FGF14: variants seen among roughly 807,000 people sequenced by gnomAD.
FGF14 encodes fibroblast growth factor homologous factor 4.
In FGF14, 5 loss-of-function variants were observed where a neutral mutation model predicts 25.5. The observed-to-expected ratio is 0.20, with a 90% CI of 0.10 to 0.41. FGF14 has a LOEUF of 0.41. FGF14 is among the 10% of genes least tolerant of loss of function. FGF14 has a pLI of 1.00. For missense variants in FGF14, 222 were observed against 320.1 expected, an observed-to-expected ratio of 0.69 and a Z score of 2.34; for synonymous variants, 138 against 118.3, an observed-to-expected ratio of 1.17 and a Z score of -1.08.
chr13:102,050,915 G>A (rs757036095), intron 1 of FGF14, among the ~76,000 whole-genome samples: 1 of 152,208 alleles, frequency 6.6e-6, no homozygotes, highest in South Asian at 2.1e-4. Flanking sequence ...AGAGGATACT[G>A]GCATATCTTG....
chr13:102,330,791 T>A (rs76596364), intron 1 of FGF14, among the ~76,000 whole-genome samples: 11,608 of 152,184 alleles, frequency 0.076, 875 homozygotes, highest in African/African-American at 0.19. Context: ...TCCGTTACCA[T>A]GTGACGTTCC....
chr13:101,749,248 C>T (rs1479281300), intron 3 of FGF14, among the ~76,000 whole-genome samples: 7 of 151,792 alleles, frequency 4.6e-5, no homozygotes, highest in East Asian at 3.9e-4. Flanking sequence ...ATAAATATAC[C>T]GAACAGTATT....
chr13:102,052,570 AAGGCAG>A (rs1364770880), intron 1 of FGF14, among the ~76,000 whole-genome samples: 3 of 152,110 alleles, frequency 2.0e-5, no homozygotes, highest in Non-Finnish European at 4.4e-5. Flanking sequence ...GAATTTCAAT[AAGGCAG>A]CAGTGAATTT....
In FGF14 at chr13:101,719,765, C is replaced by T. The variant is rs573744526; in HGVS notation, c.*3066G>A. 1 of 152,006 alleles carries T rather than the reference C, an allele frequency of 6.6e-6. No individual in the cohort carries two copies. The highest frequency in any genetic ancestry group is 6.6e-5 in the Admixed American group (1 of 15,240). 9.4% of individuals were successfully genotyped at this position (152,006 alleles called of 1,614,324 possible). ...GACATATGCACATGGAGGTACAAAA[C>T]ACACAGTCTAAATACAAATGAATTC... is the stretch of plus-strand genomic sequence containing the variant. On this transcript the variant is annotated 3_prime_UTR_variant, in exon 5 of 5. Coordinates refer to ENST00000376143, the MANE Select transcript of FGF14 (RefSeq NM_004115.4).
At chr13:102,163,840 C>T (rs570171605) in intron 1 of FGF14, among the ~76,000 whole-genome samples, 6 of 152,146 alleles carry the variant, frequency 3.9e-5, no homozygotes, top group South Asian at 2.1e-4. Context: ...TTGCCCCCCC[C>T]AGAAAACATT....
At chr13:101,867,177 A>C (rs1186361798) in intron 3 of FGF14, among the ~76,000 whole-genome samples, 1 of 152,188 alleles carries the variant, frequency 6.6e-6, no homozygotes, top group African/African-American at 2.4e-5. Context: ...CTTGGCAGTT[A>C]ACACATTTCT....
rs569633719 is a variant in FGF14 at position 102,061,951 on chromosome 13, C to T, written c.209-186655G>A. On this transcript the variant is annotated intron_variant, in intron 1 of 4. Transcript: ENST00000376131. ...GCCACAACCACTGTCTGACTGCAAA[C>T]TCATGAATACCCAAAGCAAGAAAGG... is the stretch of plus-strand genomic sequence containing the variant. Among the ~76,000 whole-genome samples, 5 of 152,238 alleles carry T rather than the reference C, an allele frequency of 3.3e-5. No homozygotes were observed. In the East Asian group the frequency reaches 9.6e-4, roughly 29 times the overall value.
At chr13:101,778,238 AT>A (rs1328781556) in intron 3 of FGF14, among the ~76,000 whole-genome samples, 1 of 152,034 alleles carries the variant, frequency 6.6e-6, no homozygotes, top group East Asian at 1.9e-4. Context: ...TCTGTTGATC[AT>A]TTTTTTCGAA....
chr13:101,958,260 C>A (rs1448171441), intron 1 of FGF14, among the ~76,000 whole-genome samples: 1 of 152,206 alleles, frequency 6.6e-6, no homozygotes, highest in Non-Finnish European at 1.5e-5. Flanking sequence ...CTCTGAATGA[C>A]CTTGGACAGA....
intron 3 of FGF14, among the ~76,000 whole-genome samples, chr13:101,799,490 G>A (rs1056893763): frequency 6.6e-6 from 1 of 152,074 alleles, no homozygotes; most frequent in South Asian, 2.1e-4. Flanking sequence ...ATAGTTTAGT[G>A]CTGGAAATAA....
At chr13:102,303,597 C>T (rs1210599479) in intron 1 of FGF14, among the ~76,000 whole-genome samples, 4 of 152,128 alleles carry the variant, frequency 2.6e-5, no homozygotes, top group Non-Finnish European at 4.4e-5. Flanking sequence ...CTGTAAACTC[C>T]AATTTTACAA....
intron 1 of FGF14, among the ~76,000 whole-genome samples, chr13:102,273,054 T>C (rs1423993089): frequency 6.6e-6 from 1 of 152,232 alleles, no homozygotes; most frequent in Non-Finnish European, 1.5e-5. Context: ...AAACTAGTTA[T>C]GTGAGAGCTA....
chr13:102,262,980 TG>T, intron 1 of FGF14: 1 of 485,332 alleles, frequency 2.1e-6, no homozygotes, highest in Non-Finnish European at 3.7e-6. Context: ...CAGCTTGATA[TG>T]GTAACATGAT....
At chr13:102,356,199 T>C (rs1423802305) in intron 1 of FGF14, among the ~76,000 whole-genome samples, 2 of 152,220 alleles carry the variant, frequency 1.3e-5, no homozygotes, top group Non-Finnish European at 2.9e-5. Flanking sequence ...GATAAGCACT[T>C]AAAACATCTC....
At chr13:102,057,041 C>A (rs2042463952) in intron 1 of FGF14, among the ~76,000 whole-genome samples, 1 of 151,660 alleles carries the variant, frequency 6.6e-6, no homozygotes, top group Non-Finnish European at 1.5e-5. Context: ...TTCTTTAGAT[C>A]ATTGCTGCCA....
chr13:101,826,858 C>A (rs186408278), intron 3 of FGF14, among the ~76,000 whole-genome samples: 1 of 151,992 alleles, frequency 6.6e-6, no homozygotes, highest in African/African-American at 2.4e-5. Flanking sequence ...GAGTAGTGCT[C>A]ACTGTGGCTT....
At chr13:102,395,689 G>C (rs930401958) in intron 1 of FGF14, 1 of 152,186 alleles carries the variant, frequency 6.6e-6, no homozygotes, top group Non-Finnish European at 1.5e-5. Context: ...TTTTATTAAA[G>C]TGTATTGAAA....
chr13:102,074,715 G>T (rs1201629055), intron 1 of FGF14, among the ~76,000 whole-genome samples: 1 of 152,014 alleles, frequency 6.6e-6, no homozygotes, highest in Non-Finnish European at 1.5e-5. Flanking sequence ...AAATTCCACA[G>T]CACATTAAAA....
At chr13:101,882,684 T>A (rs1289992386) in intron 1 of FGF14, among the ~76,000 whole-genome samples, 4 of 152,114 alleles carry the variant, frequency 2.6e-5, no homozygotes, top group African/African-American at 7.2e-5. Context: ...TCCTCCAGAG[T>A]TGAGGCTCAT....
Sources: allele counts gnomAD v4.1 joint callset (sites outside exome capture counted in the v4.1 genomes callset), GRCh38; gene constraint gnomAD v4.1.1; transcripts MANE v1.5; gene names NCBI Gene and HGNC (gene_info 2026-07-23, HGNC 2026-07-21).